The following PTPRT variants were observed in gnomAD, a reference collection of about 807,000 sequenced individuals.
PTPRT encodes the protein receptor-type tyrosine-protein phosphatase T.
In PTPRT, 56 loss-of-function variants were observed where a neutral mutation model predicts 176.8. That is an observed-to-expected ratio of 0.32 (90% confidence interval 0.26 to 0.40). The LOEUF (loss-of-function observed/expected upper bound fraction) is 0.40. Ranked by LOEUF, PTPRT falls within the 10% of genes least tolerant of loss-of-function variation. The pLI is 1.00. For synonymous variants in PTPRT, 783 were observed against 739.0 expected (o/e 1.06, Z -0.96); for missense variants, 1,540 against 1,908.2 (o/e 0.81, Z 3.60).
At chr20:42,841,614 C>T (rs1600818768) in intron 2 of PTPRT, among the ~76,000 whole-genome samples, 1 of 19,228 alleles carries the variant, frequency 5.2e-5, no homozygotes, top group African/African-American at 1.9e-4. Context: ...GTTAAATACA[C>T]ACACACACAC....
chr20:42,679,981 G>T (rs2075575501), intron 6 of PTPRT, among the ~76,000 whole-genome samples: 1 of 152,208 alleles, frequency 6.6e-6, no homozygotes, highest in Non-Finnish European at 1.5e-5. Flanking sequence ...GAACAAGGAA[G>T]AGGAGAAAGG....
chr20:42,199,207 G>A, intron 16 of PTPRT, 33 bp downstream of exon 16: 1 of 1,609,934 alleles, frequency 6.2e-7, no homozygotes, highest in Non-Finnish European at 8.5e-7. Flanking sequence ...CTGGACCACG[G>A]ATGTCCCCTT....
intron 7 of PTPRT, among the ~76,000 whole-genome samples, chr20:42,540,611 A>G (rs2072562344): frequency 1.3e-5 from 2 of 152,182 alleles, no homozygotes; most frequent in Non-Finnish European, 2.9e-5. Context: ...AAGCATCTGA[A>G]TATCTTGAGT....
intron 16 of PTPRT, among the ~76,000 whole-genome samples, chr20:42,165,788 A>G (rs1989798040): frequency 6.6e-6 from 1 of 152,210 alleles, no homozygotes; most frequent in Admixed American, 6.5e-5. Context: ...AGAGATAGGG[A>G]AAGAAAGAGA....
chr20:42,095,126 C>T (rs553123072), intron 27 of PTPRT, among the ~76,000 whole-genome samples: 4 of 152,326 alleles, frequency 2.6e-5, no homozygotes, highest in African/African-American at 9.6e-5. Flanking sequence ...ACCTCACCTG[C>T]CACCTGAATT....
intron 1 of PTPRT, among the ~76,000 whole-genome samples, chr20:42,900,478 A>G (rs1600537740): frequency 1.3e-5 from 2 of 152,036 alleles, no homozygotes; most frequent in Non-Finnish European, 1.5e-5. Context: ...TCCTTTCATC[A>G]CAGCCACATC....
At chr20:42,423,966 T>C (rs1385554242) in intron 9 of PTPRT, among the ~76,000 whole-genome samples, 1 of 152,210 alleles carries the variant, frequency 6.6e-6, no homozygotes, top group Non-Finnish European at 1.5e-5. Context: ...GAGTAACTGA[T>C]AATTTGTTTT....
At chr20:42,437,631 G>C (rs1285781593) in intron 9 of PTPRT, among the ~76,000 whole-genome samples, 1 of 152,148 alleles carries the variant, frequency 6.6e-6, no homozygotes, top group Non-Finnish European at 1.5e-5. Flanking sequence ...TTGGGTGTCA[G>C]TTTTAAGGAA....
At chr20:43,100,918 T>C (rs1206578200) in intron 1 of PTPRT, among the ~76,000 whole-genome samples, 1 of 152,106 alleles carries the variant, frequency 6.6e-6, no homozygotes, top group Non-Finnish European at 1.5e-5. Context: ...ATGGCATTAA[T>C]AGTAGCTAAG....
intron 1 of PTPRT, among the ~76,000 whole-genome samples, chr20:43,102,182 T>C (rs1161876424): frequency 1.3e-5 from 2 of 151,984 alleles, no homozygotes; most frequent in South Asian, 2.1e-4. Flanking sequence ...ACAGGGGGCA[T>C]ACATTCAGAC....
At chr20:42,551,176 G>A (rs532378268) in intron 7 of PTPRT, among the ~76,000 whole-genome samples, 1 of 152,182 alleles carries the variant, frequency 6.6e-6, no homozygotes, top group African/African-American at 2.4e-5. Flanking sequence ...TAAGGGGTAT[G>A]TTTTATGGAT....
At chr20:42,173,088 C>G (rs1481568248) in intron 16 of PTPRT, among the ~76,000 whole-genome samples, 2 of 152,166 alleles carry the variant, frequency 1.3e-5, no homozygotes, top group African/African-American at 4.8e-5. Context: ...CTCTTGTGAT[C>G]TACAAGGGCC....
intron 9 of PTPRT, among the ~76,000 whole-genome samples, chr20:42,405,386 C>T (rs899898231): frequency 6.6e-6 from 1 of 152,030 alleles, no homozygotes; most frequent in Admixed American, 6.6e-5. Context: ...TGTTCCCCTT[C>T]CTGGGTCCAC....
At chr20:43,023,087 C>A (rs1600654952) in intron 1 of PTPRT, among the ~76,000 whole-genome samples, 1 of 152,160 alleles carries the variant, frequency 6.6e-6, no homozygotes, top group African/African-American at 2.4e-5. Context: ...ATGTTAAGAG[C>A]TTCTTTATCC....
chr20:42,523,958 C>T (rs1026277056), intron 7 of PTPRT, among the ~76,000 whole-genome samples: 1 of 151,986 alleles, frequency 6.6e-6, no homozygotes, highest in African/African-American at 2.4e-5. Context: ...TGAATAGTCA[C>T]TGCATTCTAA....
At chr20:42,061,252 T>C in the PTPRT span, among the ~76,000 whole-genome samples, 1 of 152,120 alleles carries the variant, frequency 6.6e-6, no homozygotes, top group Non-Finnish European at 1.5e-5. Context: ...GTGAAGCATC[T>C]TACCGTGATT....
intron 1 of PTPRT, among the ~76,000 whole-genome samples, chr20:43,115,823 T>C (rs1181425841): frequency 6.6e-6 from 1 of 152,186 alleles, no homozygotes; most frequent in Non-Finnish European, 1.5e-5. Flanking sequence ...AATCAATCAG[T>C]GAGCTCTGCT....
chr20:42,661,787 G>A lies in PTPRT; in HGVS notation c.1153+16079C>T, dbSNP rs543060495. The stretch of plus-strand genomic sequence containing the variant: ...TCAAGCCAATAGTGGGTGGGATTTA[G>A]AAACAACTGACACTCTGGTTTTCCT... On this transcript the variant is annotated intron_variant, in intron 7 of 30. Coordinates refer to ENST00000373187, the MANE Select transcript of PTPRT (RefSeq NM_007050.6). Among the ~76,000 whole-genome samples the A allele has an allele frequency of 3.3e-5, 5 of 152,306 alleles. No individual in the cohort carries two copies. In the South Asian group the frequency reaches 6.2e-4, roughly 19 times the overall value.
chr20:42,838,439 G>A (rs2145717504), intron 2 of PTPRT, among the ~76,000 whole-genome samples: 1 of 152,320 alleles, frequency 6.6e-6, no homozygotes, highest in South Asian at 2.1e-4. Flanking sequence ...GACTGAGCTA[G>A]CCAGGCTGGA....
Sources: gnomAD v4.1 joint callset for allele counts (sites outside exome capture counted in the v4.1 genomes callset) on GRCh38, gnomAD v4.1.1 for gene constraint, MANE v1.5 for transcripts, NCBI Gene and HGNC (gene_info 2026-07-23, HGNC 2026-07-21) for gene names.